The following GRM8 variants were observed in gnomAD, a reference collection of about 807,000 sequenced individuals.
The protein encoded by GRM8 is metabotropic glutamate receptor 8.
In GRM8, 47 loss-of-function variants were observed where a neutral mutation model predicts 87.2. The ratio of observed to expected loss-of-function variants is 0.54; its 90% confidence interval spans 0.43 to 0.69. GRM8 has a LOEUF of 0.69. Ranked by LOEUF, GRM8 falls within the 30% of genes least tolerant of loss-of-function variation. The pLI is 0.00. For synonymous variants in GRM8, 396 were observed against 404.5 expected (o/e 0.98, Z 0.25); for missense variants, 1,019 against 1,139.2 (o/e 0.89, Z 1.52).
intron 2 of GRM8, among the ~76,000 whole-genome samples, chr7:127,138,658 C>G (rs1380539830): frequency 6.6e-6 from 1 of 152,058 alleles, no homozygotes; most frequent in African/African-American, 2.4e-5. Flanking sequence ...TGACCTGCAT[C>G]ACTATAAATT....
At chr7:127,099,667 T>C (rs1825029227) in intron 3 of GRM8, among the ~76,000 whole-genome samples, 1 of 152,182 alleles carries the variant, frequency 6.6e-6, no homozygotes, top group African/African-American at 2.4e-5. Context: ...ATTAACCAAA[T>C]TCTGTCTGCT....
intron 3 of GRM8, among the ~76,000 whole-genome samples, chr7:126,930,934 C>G (rs1419469): frequency 0.34 from 51,582 of 151,972 alleles, 8,765 homozygotes; most frequent in Middle Eastern, 0.36. Context: ...TCACATACCC[C>G]CTCACTTCTG....
intron 8 of GRM8, among the ~76,000 whole-genome samples, chr7:126,590,694 C>T (rs566380677): frequency 8.5e-5 from 13 of 152,276 alleles, no homozygotes; most frequent in African/African-American, 3.1e-4. Flanking sequence ...ACCCTCCACA[C>T]TAGAAGAGAT....
chr7:126,767,590 C>T (rs1335574573), intron 7 of GRM8, among the ~76,000 whole-genome samples: 1 of 152,070 alleles, frequency 6.6e-6, no homozygotes, highest in Non-Finnish European at 1.5e-5. Flanking sequence ...ATGATTTCAT[C>T]CTTTATTCTG....
intron 10 of GRM8, among the ~76,000 whole-genome samples, chr7:126,439,603 C>G (rs563356036): frequency 6.6e-6 from 1 of 152,200 alleles, no homozygotes; most frequent in South Asian, 2.1e-4. Context: ...CTACACTATA[C>G]TTTTTATCAT....
rs541625364 is a variant in GRM8 at position 126,466,749 on chromosome 7, C to T, written c.2431-20377G>A. Among the ~76,000 whole-genome samples the T allele has an allele frequency of 1.3e-4, 19 of 151,950 alleles. No homozygotes were observed. The South Asian group carries it at 4.0e-3, about 32-fold the overall frequency. On this transcript the variant is annotated intron_variant, in intron 9 of 10. Transcript: ENST00000339582. Reference sequence around the variant, plus strand: ...CTGTACCTTTTTGTTCTATTCAGGCCATCAATGGATTGGATGATGCCCACC... The same window carrying T: ...CTGTACCTTTTTGTTCTATTCAGGCTATCAATGGATTGGATGATGCCCACC...
intron 7 of GRM8, among the ~76,000 whole-genome samples, chr7:126,695,560 G>A (rs1346373523): frequency 6.6e-6 from 1 of 152,070 alleles, no homozygotes; most frequent in East Asian, 1.9e-4. Context: ...ATATTAGAAG[G>A]CCCAATGCTG....
intron 7 of GRM8, among the ~76,000 whole-genome samples, chr7:126,732,084 A>C (rs1813665052): frequency 6.6e-6 from 1 of 152,058 alleles, no homozygotes; most frequent in South Asian, 2.1e-4. Flanking sequence ...CTCTTACTTA[A>C]ATGTGCTAGT....
At position 126,820,815 on chromosome 7, in the gene GRM8, C is replaced by A. The variant is rs189205012; in HGVS notation, c.1157-50750G>T. ...CACTGCTTCACAAAGAAATTAAAGA[C>A]CATCCTAGGGCACGGTGGCTCATGC... On this transcript the variant is annotated intron_variant, in intron 6 of 10. Coordinates refer to ENST00000339582, the MANE Select transcript of GRM8 (RefSeq NM_000845.3). 5.4e-4 allele frequency among the ~76,000 whole-genome samples: 83 copies of A among 152,310 alleles called. 1 individual carries two copies. Among genetic ancestry groups the A allele is most frequent in the African/African-American group, 1.9e-3 (77 of 41,564 alleles).
chr7:127,072,448 G>T (rs1586917734), intron 3 of GRM8, among the ~76,000 whole-genome samples: 1 of 152,212 alleles, frequency 6.6e-6, no homozygotes, highest in East Asian at 1.9e-4. Context: ...GTTCTCCAAG[G>T]TCTCACTGTG....
intron 2 of GRM8, among the ~76,000 whole-genome samples, chr7:127,186,348 T>C (rs1011259435): frequency 1.2e-3 from 180 of 152,224 alleles, no homozygotes; most frequent in African/African-American, 4.1e-3. Context: ...ACTTTCTACC[T>C]TGTGTCCAAT....
intron 9 of GRM8, among the ~76,000 whole-genome samples, chr7:126,527,888 C>T (rs1157434762): frequency 6.6e-6 from 1 of 152,184 alleles, no homozygotes; most frequent in Non-Finnish European, 1.5e-5. Context: ...AAGATCTACT[C>T]TTCGGGCAAG....
chr7:126,704,463 G>T (rs1266359345), intron 7 of GRM8, among the ~76,000 whole-genome samples: 1 of 152,148 alleles, frequency 6.6e-6, no homozygotes, highest in Admixed American at 6.5e-5. Flanking sequence ...CTCGATAAAA[G>T]AACAGGATAA....
At chr7:126,690,262 G>T (rs761679764) in intron 7 of GRM8, among the ~76,000 whole-genome samples, 1 of 152,220 alleles carries the variant, frequency 6.6e-6, no homozygotes, top group African/African-American at 2.4e-5. Flanking sequence ...TGGTTCCCAC[G>T]CATGCCAAGG....
At chr7:127,073,630 T>C (rs1821952567) in intron 3 of GRM8, among the ~76,000 whole-genome samples, 4 of 152,080 alleles carry the variant, frequency 2.6e-5, no homozygotes, top group Admixed American at 2.6e-4. Flanking sequence ...CCAAAGTCTA[T>C]GAAACTAAAA....
At chr7:126,484,985 C>T (rs912881382) in intron 9 of GRM8, among the ~76,000 whole-genome samples, 1 of 151,594 alleles carries the variant, frequency 6.6e-6, no homozygotes, top group Admixed American at 6.6e-5. Flanking sequence ...CAGAATTTTG[C>T]TTAAGTCATA....
chr7:126,692,921 C>T (rs895703342), intron 7 of GRM8, among the ~76,000 whole-genome samples: 7 of 152,142 alleles, frequency 4.6e-5, no homozygotes, highest in Admixed American at 3.9e-4. Context: ...ACTTTATGGG[C>T]AATTTCTCTT....
intron 2 of GRM8, among the ~76,000 whole-genome samples, chr7:127,168,753 C>A (rs971991884): frequency 1.3e-5 from 2 of 151,476 alleles, no homozygotes; most frequent in African/African-American, 4.9e-5. Context: ...CAAACTAACA[C>A]AACAGAAAAC....
At chr7:126,857,414 T>C (rs576945100) in intron 6 of GRM8, among the ~76,000 whole-genome samples, 11 of 152,176 alleles carry the variant, frequency 7.2e-5, no homozygotes, top group Non-Finnish European at 1.2e-4. Flanking sequence ...ACCCTCACAA[T>C]TGCAGTGAGC....
Sources: allele counts gnomAD v4.1 joint callset (sites outside exome capture counted in the v4.1 genomes callset), GRCh38; gene constraint gnomAD v4.1.1; transcripts MANE v1.5; gene names NCBI Gene and HGNC (gene_info 2026-07-23, HGNC 2026-07-21).